Variants in NKIRAS2 observed in about 807,000 individuals in gnomAD.
NKIRAS2 encodes the protein NFKB inhibitor interacting Ras like 2, also known as NF-kappa-B inhibitor-interacting Ras-like protein 2.
Under a neutral mutation model 20.7 loss-of-function variants are expected in NKIRAS2, and 15 were observed. The observed-to-expected ratio is 0.73, with a 90% CI of 0.49 to 1.12. The LOEUF (loss-of-function observed/expected upper bound fraction) is 1.12, where lower values mean the gene tolerates loss of function less well. NKIRAS2 is among the 50% of genes most tolerant of loss of function. The pLI, the probability that NKIRAS2 is intolerant of heterozygous loss-of-function variation, is 0.00. For synonymous variants in NKIRAS2, 116 were observed against 101.4 expected (o/e 1.14, Z -0.87); for missense variants, 196 against 249.6 (o/e 0.79, Z 1.45).
At chr17:42,021,008 T>C (rs889344845) in intron 1 of NKIRAS2, 4 of 155,260 alleles carry the variant, frequency 2.6e-5, no homozygotes, top group Non-Finnish European at 5.7e-5. Flanking sequence ...GTGCTGAGAT[T>C]ACAGGCGTGA....
upstream of NKIRAS2, among the ~76,000 whole-genome samples, chr17:42,019,587 G>T (rs2052392033): frequency 6.6e-6 from 1 of 152,172 alleles, no homozygotes; most frequent in Non-Finnish European, 1.5e-5. Flanking sequence ...AAAATGCCAT[G>T]ACTTGTAGCC....
At chr17:42,023,260 A>G (rs2052501000) in intron 3 of NKIRAS2, 1 of 233,836 alleles carries the variant, frequency 4.3e-6, no homozygotes, top group South Asian at 4.6e-5. Flanking sequence ...CAGCCTCCCA[A>G]AGTGTTGGGA....
chr17:42,021,815 C>T, intron 2 of NKIRAS2, 144 bp downstream of exon 2: 2 of 815,882 alleles, frequency 2.5e-6, no homozygotes, highest in Non-Finnish European at 4.3e-6. Flanking sequence ...CAGATCAACT[C>T]TACAACACTG....
At chr17:42,021,283 G>A in intron 1 of NKIRAS2, 1 of 331,190 alleles carries the variant, frequency 3.0e-6, no homozygotes. Flanking sequence ...ATACTGGCTA[G>A]GTACTGGGGA....
At position 42,022,444 on chromosome 17, in the gene NKIRAS2, T is replaced by C. The variant is rs782057329; in HGVS notation, c.140T>C (p.Ile47Thr). The change falls in exon 3 of 4, where the codon ATT becomes ACT. Residue 47 changes from isoleucine (I) to threonine (T), a missense_variant. Coordinates refer to ENST00000393885, the MANE Select transcript of NKIRAS2 (RefSeq NM_017595.6). ...ETQEDIYVGS[I>T]ETDRGVREQV... ...CAGGAGGACATCTACGTGGGCTCCA[T>C]TGAGACAGACCGGGGGGTGCGAGAG... 24 of 1,607,140 alleles carry C rather than the reference T, an allele frequency of 1.5e-5. No homozygotes were observed. The East Asian group carries it at 1.8e-4, about 12-fold the overall frequency.
chr17:42,021,760 C>G (rs910604016), intron 2 of NKIRAS2, 89 bp downstream of exon 2: 3 of 1,242,096 alleles, frequency 2.4e-6, no homozygotes, highest in Non-Finnish European at 3.6e-6. Flanking sequence ...CTAAAAGCTG[C>G]TCCTGGTGGT....
At position 42,024,872 on chromosome 17, in the gene NKIRAS2, T is replaced by C. The variant is rs1197907683; in HGVS notation, c.*979T>C. ...CCTCACTGGTTGAGATGGAATAGAA[T>C]AACTGGGCTATGAGTCACCAGCCCA... On this transcript the variant is annotated 3_prime_UTR_variant, in exon 4 of 4. Transcript: ENST00000393885. 6.6e-6 allele frequency: 1 copy of C among 152,424 alleles called. No homozygotes were observed. The highest frequency in any genetic ancestry group is 1.5e-5 in the Non-Finnish European group (1 of 68,034). The allele number at this position is 152,424 out of a possible 1,614,324, so 9.4% of individuals were successfully genotyped here. A position where few individuals can be genotyped will look rare whatever the true frequency, so the allele number is the denominator to read the frequency against.
upstream of NKIRAS2, among the ~76,000 whole-genome samples, chr17:42,018,031 C>CGCT (rs2052354701): frequency 1.3e-5 from 2 of 152,148 alleles, no homozygotes; most frequent in South Asian, 4.1e-4. Context: ...ACCCTAATGA[C>CGCT]GCTGACCCTT....
At chr17:42,020,569 T>G (rs1301957471) in intron 1 of NKIRAS2, 1 of 152,252 alleles carries the variant, frequency 6.6e-6, no homozygotes, top group Non-Finnish European at 1.5e-5. Context: ...CTGAGCTTTC[T>G]CTTTTGTGTC....
At chr17:42,018,625 T>A (rs1555652444), upstream of NKIRAS2, 1 of 152,204 alleles carries the variant, frequency 6.6e-6, no homozygotes, top group Non-Finnish European at 1.5e-5. Flanking sequence ...TGCTAGGTTG[T>A]GAGGGCACAA....
In NKIRAS2 at chr17:42,021,602, G is replaced by C. The variant is rs781912559; in HGVS notation, c.25G>C (p.Val9Leu). The C allele has an allele frequency of 6.2e-7, 1 of 1,614,124 alleles. No individual in the cohort carries two copies. ...CATGGGGAAGAGCTGCAAGGTGGTC[G>C]TGTGTGGCCAGGCGTCTGTGGGCAA... MGKSCKVV[V>L]CGQASVGKTS... The change falls in exon 2 of 4, where the codon GTG (valine) becomes CTG (leucine). Residue 9 changes from valine (V) to leucine (L), a missense_variant. Coordinates refer to ENST00000393885, the MANE Select transcript of NKIRAS2 (RefSeq NM_017595.6).
At position 42,024,029 on chromosome 17, in the gene NKIRAS2, C is replaced by A; in HGVS notation, c.*136C>A. ...AGCTCCCCGCCAGGCCACGCCCCAG[C>A]CACTTTGCTCCCTCTCACCTCTGGG... On this transcript the variant is annotated 3_prime_UTR_variant, in exon 4 of 4. Coordinates refer to ENST00000393885, the MANE Select transcript of NKIRAS2 (RefSeq NM_017595.6). 1 of 1,360,352 alleles carries A rather than the reference C, an allele frequency of 7.4e-7. No individual in the cohort carries two copies. The highest frequency in any genetic ancestry group is 9.8e-7 in the Non-Finnish European group (1 of 1,020,346). 84.3% of individuals were successfully genotyped at this position (1,360,352 alleles called of 1,614,324 possible).
chr17:42,022,515 C>G lies in NKIRAS2; in HGVS notation c.211C>G (p.Leu71Val), dbSNP rs1555653304. 1 of 1,614,138 alleles carries G rather than the reference C, an allele frequency of 6.2e-7. No individual in the cohort carries two copies. Among genetic ancestry groups the G allele is most frequent in the Admixed American group, 1.7e-5 (1 of 60,018 alleles). ...DTRGLRDGAE[L>V]PRHCFSCTDG... ...CCGGGGGCTCCGAGATGGGGCCGAA[C>G]TGCCCCGACACTGCTTCTCTTGCAC... Residue 71 changes from leucine (L) to valine (V), a missense_variant, in exon 3 of 4, where the codon CTG (leucine) becomes GTG (valine). Leu to Val is a conservative substitution (Grantham distance 32). Transcript: ENST00000393885.
chr17:42,021,399 T>A (rs1305245118), intron 1 of NKIRAS2, 165 bp from the exon 2 acceptor site: 2 of 596,872 alleles, frequency 3.4e-6, no homozygotes, highest in Non-Finnish European at 6.1e-6. Flanking sequence ...GAACTATACA[T>A]TCAGTTTAGA....
upstream of NKIRAS2, among the ~76,000 whole-genome samples, chr17:42,017,927 T>C (rs964242223): frequency 6.6e-6 from 1 of 152,104 alleles, no homozygotes; most frequent in Non-Finnish European, 1.5e-5. Flanking sequence ...CATCGTTCTC[T>C]GGAAGCCCTG....
At chr17:42,017,822 G>A (rs868981229), upstream of NKIRAS2, among the ~76,000 whole-genome samples, 1 of 152,176 alleles carries the variant, frequency 6.6e-6, no homozygotes, top group Non-Finnish European at 1.5e-5. Flanking sequence ...CTGTAGGGAA[G>A]GAGTCCCCAC....
upstream of NKIRAS2, chr17:42,017,617 G>A: frequency 3.1e-6 from 2 of 643,602 alleles, no homozygotes; most frequent in South Asian, 3.9e-5. Flanking sequence ...GGAGCCCAGG[G>A]GCTGTGCCGG....
At chr17:42,020,670 T>G (rs2052422974) in intron 1 of NKIRAS2, 1 of 152,250 alleles carries the variant, frequency 6.6e-6, no homozygotes, top group African/African-American at 2.4e-5. Flanking sequence ...CTTATGTTCA[T>G]TTTAGCCATA....
chr17:42,024,094 C>T lies in NKIRAS2; in HGVS notation c.*201C>T. ...TTGGTTGACATCCCCTTCCTCAGCC[C>T]TCCCAGCCTACTCCCCATCCCAGCT... On this transcript the variant is annotated 3_prime_UTR_variant, in exon 4 of 4. Transcript: ENST00000393885. 2 of 735,650 alleles carry T rather than the reference C, an allele frequency of 2.7e-6. No individual in the cohort carries two copies. The highest frequency in any genetic ancestry group is 4.3e-6 in the Non-Finnish European group (2 of 470,160). 45.6% of individuals were successfully genotyped at this position (735,650 alleles called of 1,614,324 possible). A position where few individuals can be genotyped will look rare whatever the true frequency, so the allele number is the denominator to read the frequency against.
Sources: gnomAD v4.1 joint callset for allele counts (sites outside exome capture counted in the v4.1 genomes callset) on GRCh38, gnomAD v4.1.1 for gene constraint, MANE v1.5 for transcripts, NCBI Gene and HGNC (gene_info 2026-07-23, HGNC 2026-07-21) for gene names.